DHX33: variants seen among roughly 807,000 people sequenced by gnomAD.
The protein encoded by DHX33 is DEAH-box helicase 33, also known as ATP-dependent RNA helicase DHX33.
DHX33 carries 42 observed loss-of-function variants against 72.5 expected under a neutral mutation model. The observed-to-expected ratio is 0.58, with a 90% CI of 0.45 to 0.75. The LOEUF is 0.75. Among genes scored for constraint, DHX33 ranks in the 30% least tolerant of loss-of-function variants. The pLI is 0.00. For missense variants in DHX33, 842 were observed against 917.5 expected (o/e 0.92, Z 1.06); for synonymous variants, 358 against 366.1 (o/e 0.98, Z 0.25).
At chr17:5,466,103 C>T (rs1001883930) in intron 1 of DHX33, among the ~76,000 whole-genome samples, 1 of 152,134 alleles carries the variant, frequency 6.6e-6, no homozygotes, top group Non-Finnish European at 1.5e-5. Context: ...ACAGATGGTC[C>T]CTGTCTTAGA....
In DHX33 at chr17:5,468,813, C is replaced by G. The variant is rs1476397263; in HGVS notation, c.47G>C (p.Gly16Ala). Residue 16 changes from glycine (G) to alanine (A), a missense_variant, in exon 1 of 12, where the codon GGC becomes GCC. Physicochemically the swap from Gly to Ala is moderately conservative, Grantham distance 60. Transcript: ENST00000225296. ...GFPPAKRFRPGSGPPSRAGSF... is the reference protein window; with the variant it reads ...GFPPAKRFRPASGPPSRAGSF... ...CCCAGCGCGGCTCGGAGGTCCAGAG[C>G]CTGGCCGGAATCTCTTGGCCGGCGG... The G allele has an allele frequency of 1.3e-6, 2 of 1,586,504 alleles. No homozygotes were observed. Among genetic ancestry groups the G allele is most frequent in the South Asian group, 1.1e-5 (1 of 87,778 alleles).
At position 5,450,151 on chromosome 17, in the gene DHX33, A is replaced by G. The variant is rs8074194; in HGVS notation, c.1728+52T>C. The G allele has an allele frequency of 3.9e-3, 6,223 of 1,605,606 alleles. 179 individuals carry two copies. The African/African-American group carries it at 0.067, about 17-fold the overall frequency. ...GGCTTCAGTAGAAAAAGGGAAGCAC[A>G]TAGCAGAGACAAGCAGCTATCGCTG... On this transcript the variant is annotated intron_variant, in intron 10 of 11. Transcript: ENST00000225296.
Position 5,468,980 on chromosome 17 carries a change from A to C in DHX33, c.-121T>G. 1.8e-6 allele frequency: 1 copy of C among 570,746 alleles called. No homozygotes were observed. Among genetic ancestry groups the C allele is most frequent in the Non-Finnish European group, 3.1e-6 (1 of 322,264 alleles). The allele number at this position is 570,746 out of a possible 1,614,324, so 35.4% of individuals were successfully genotyped here. A position where few individuals can be genotyped will look rare whatever the true frequency, so the allele number is the denominator to read the frequency against. On this transcript the variant is annotated 5_prime_UTR_variant, in exon 1 of 12. Transcript: ENST00000225296. Reference sequence around the variant, plus strand: ...CACGTGCTGGCGGCTCCCGGCGACCACCGATGACCTCACGGCCGCCCCAGT... The same window carrying C: ...CACGTGCTGGCGGCTCCCGGCGACCCCCGATGACCTCACGGCCGCCCCAGT...
chr17:5,454,017 A>G, intron 6 of DHX33, 37 bp from the exon 7 acceptor site: 1 of 1,604,964 alleles, frequency 6.2e-7, no homozygotes, highest in Non-Finnish European at 8.5e-7. Flanking sequence ...GCTTCATCAC[A>G]TGAACAAACT....
chr17:5,467,045 A>G (rs1043835167), intron 1 of DHX33, among the ~76,000 whole-genome samples: 1 of 152,214 alleles, frequency 6.6e-6, no homozygotes, highest in East Asian at 1.9e-4. Context: ...GCCTCTTTCT[A>G]TATCAACCAA....
chr17:5,445,285 G>T (rs1241613015), intron 11 of DHX33, among the ~76,000 whole-genome samples: 1 of 152,066 alleles, frequency 6.6e-6, no homozygotes, highest in Admixed American at 6.5e-5. Flanking sequence ...CACCATTTTG[G>T]TCAGGCTGGT....
chr17:5,455,785 C>T (rs1917163069), intron 5 of DHX33, among the ~76,000 whole-genome samples: 1 of 152,218 alleles, frequency 6.6e-6, no homozygotes, highest in South Asian at 2.1e-4. Flanking sequence ...TATACTCTCC[C>T]TCATCCCAAC....
rs1048177770 is a variant in DHX33, at chr17:5,442,946, G to C, written c.*1259C>G. 6.6e-6 allele frequency: 1 copy of C among 152,170 alleles called. No individual in the cohort carries two copies. The highest frequency in any genetic ancestry group is 1.5e-5 in the Non-Finnish European group (1 of 68,046). 9.4% of individuals were successfully genotyped at this position (152,170 alleles called of 1,614,324 possible). ...TCCTCCAATTCCCTCTGACAATGAG[G>C]GTTAGAGAGAGGTGCCTAGCAGTTA... On this transcript the variant is annotated 3_prime_UTR_variant, in exon 12 of 12. Coordinates refer to ENST00000225296, the MANE Select transcript of DHX33 (RefSeq NM_020162.4).
In DHX33 at chr17:5,453,637, G is replaced by A; in HGVS notation, c.1339C>T (p.Leu447=). ...AGCACATTTGGGACTTTCATTGCTAGAAGCTGAAGCATCACACTGGCCAGG... is the reference window on the plus strand; with the variant it reads ...AGCACATTTGGGACTTTCATTGCTAAAAGCTGAAGCATCACACTGGCCAGG... The part of the protein sequence containing the change: ...CNLASVMLQL[L]AMKVPNVLTF... Residue 447 remains leucine (L), a synonymous_variant, in exon 8 of 12, where the codon CTA becomes TTA. Transcript: ENST00000225296. The A allele has an allele frequency of 6.2e-7, 1 of 1,614,202 alleles. No homozygotes were observed. Among genetic ancestry groups the A allele is most frequent in the Non-Finnish European group, 8.5e-7 (1 of 1,180,038 alleles).
At chr17:5,462,092 A>T (rs1904655372) in intron 3 of DHX33, among the ~76,000 whole-genome samples, 1 of 150,372 alleles carries the variant, frequency 6.7e-6, no homozygotes, top group Admixed American at 6.6e-5. Flanking sequence ...GATGTGTGCC[A>T]CCACACCCAG....
chr17:5,453,757 G>A (rs1917060706), intron 7 of DHX33, 64 bp downstream of exon 7: 4 of 1,612,386 alleles, frequency 2.5e-6, no homozygotes, highest in Non-Finnish European at 3.4e-6. Context: ...AAAAACTGCA[G>A]CTCTGGGCAA....
rs557963026 is a variant in DHX33 at position 5,460,929 on chromosome 17, A to T, written c.849+10T>A. ...GAGAACTTTTCAGGAATTTGCCCCC[A>T]GCACCATACCTGGTGGATCTGGAAG... On this transcript the variant is annotated intron_variant, in intron 4 of 11. Transcript: ENST00000225296. 6.2e-6 allele frequency: 10 copies of T among 1,604,740 alleles called. 1 individual carries two copies. In the South Asian group the frequency reaches 6.6e-5, roughly 11 times the overall value.
intron 9 of DHX33, 132 bp from the exon 10 acceptor site, chr17:5,450,538 G>T: frequency 9.9e-7 from 1 of 1,005,152 alleles, no homozygotes; most frequent in Non-Finnish European, 1.4e-6. Flanking sequence ...CCATGGCGAT[G>T]TACATTAGTG....
At chr17:5,451,085 C>T (rs775068104) in intron 8 of DHX33, 151 bp from the exon 9 acceptor site, 26 of 855,006 alleles carry the variant, frequency 3.0e-5, no homozygotes, top group Admixed American at 8.4e-5. Flanking sequence ...TGTCAAAGAA[C>T]GACATCACTG....
intron 11 of DHX33, among the ~76,000 whole-genome samples, chr17:5,447,990 C>T (rs1326738423): frequency 6.6e-6 from 1 of 152,110 alleles, no homozygotes; most frequent in East Asian, 1.9e-4. Flanking sequence ...ACCAGTCTGG[C>T]CAACGTGGTG....
In DHX33 at chr17:5,468,870, C is replaced by G. The variant is rs1905005560; in HGVS notation, c.-11G>C. The G allele has an allele frequency of 6.4e-7, 1 of 1,550,550 alleles. No individual in the cohort carries two copies. Among genetic ancestry groups the G allele is most frequent in the Non-Finnish European group, 8.7e-7 (1 of 1,147,434 alleles). Reference sequence around the variant, plus strand: ...CGCCTCCTCCGGCATGTCGGGAGGGCACCGCGGCGGGAGGCGCAAGCGCCG... The same window carrying G: ...CGCCTCCTCCGGCATGTCGGGAGGGGACCGCGGCGGGAGGCGCAAGCGCCG... On this transcript the variant is annotated 5_prime_UTR_variant, in exon 1 of 12. Transcript: ENST00000225296.
chr17:5,451,296 G>C (rs1916898414), intron 8 of DHX33, among the ~76,000 whole-genome samples: 1 of 152,082 alleles, frequency 6.6e-6, no homozygotes, highest in African/African-American at 2.4e-5. Flanking sequence ...AGTGAGACGG[G>C]GTTTCACCAT....
At position 5,444,542 on chromosome 17, in the gene DHX33, C is replaced by G; in HGVS notation, c.1816-29G>C. ...TTTCGGGAGAAAGCGAGGAATGGAG[C>G]CGACCCCACACGTAAACACTGGTCA... On this transcript the variant is annotated intron_variant, in intron 11 of 11. Transcript: ENST00000225296. This position sits in a 1 kb window ranked among gnomAD's most constrained non-coding sequence, Gnocchi z 4.9. 2 of 1,600,860 alleles carry G rather than the reference C, an allele frequency of 1.2e-6. No homozygotes were observed. The highest frequency in any genetic ancestry group is 1.7e-6 in the Non-Finnish European group (2 of 1,173,380).
intron 2 of DHX33, among the ~76,000 whole-genome samples, chr17:5,462,756 A>G (rs996576942): frequency 6.6e-6 from 1 of 152,164 alleles, no homozygotes; most frequent in East Asian, 1.9e-4. Context: ...AGGAATATTT[A>G]AAATTAACCT....
Sources: gnomAD v4.1 joint callset for allele counts (sites outside exome capture counted in the v4.1 genomes callset) on GRCh38, gnomAD v4.1.1 for gene constraint, Gnocchi (gnomAD v3.1) non-coding constraint, MANE v1.5 for transcripts, NCBI Gene and HGNC (gene_info 2026-07-23, HGNC 2026-07-21) for gene names.